GALNT13: variants seen among roughly 807,000 people sequenced by gnomAD.
GALNT13 encodes polypeptide N-acetylgalactosaminyltransferase 13, also known as UDP-GalNAc:polypeptide N-acetylgalactosaminyltransferase 13.
In GALNT13, 28 loss-of-function variants were observed where a neutral mutation model predicts 64.2. The observed-to-expected ratio is 0.44, with a 90% CI of 0.32 to 0.60. GALNT13 has a LOEUF of 0.60. Ranked by LOEUF, GALNT13 falls within the 20% of genes least tolerant of loss-of-function variation. GALNT13 has a pLI of 0.05. For missense variants in GALNT13, 577 were observed against 669.8 expected, an observed-to-expected ratio of 0.86 and a Z score of 1.53; for synonymous variants, 214 against 224.6, an observed-to-expected ratio of 0.95 and a Z score of 0.42.
intron 8 of GALNT13, among the ~76,000 whole-genome samples, chr2:154,262,096 C>T (rs1690729463): frequency 1.3e-5 from 2 of 152,066 alleles, no homozygotes; most frequent in African/African-American, 2.4e-5. Flanking sequence ...TTAAAGACAA[C>T]AGATTTAAAT....
At chr2:153,680,906 T>C in the GALNT13 span, among the ~76,000 whole-genome samples, 1 of 151,936 alleles carries the variant, frequency 6.6e-6, no homozygotes, top group Admixed American at 6.6e-5. Flanking sequence ...TACATAAAAC[T>C]CAGATACCAA....
intron 4 of GALNT13, among the ~76,000 whole-genome samples, chr2:154,207,385 A>G (rs1306106594): frequency 1.3e-5 from 2 of 152,020 alleles, no homozygotes; most frequent in Non-Finnish European, 2.9e-5. Context: ...ACCCAATTTT[A>G]TTATGAATCT....
chr2:154,349,939 T>C (rs956137375), intron 9 of GALNT13, among the ~76,000 whole-genome samples: 1 of 152,240 alleles, frequency 6.6e-6, no homozygotes, highest in Non-Finnish European at 1.5e-5. Flanking sequence ...ATCTAGCCAT[T>C]AGACTGTGCA....
At chr2:154,441,104 A>G (rs1701271608) in intron 12 of GALNT13, among the ~76,000 whole-genome samples, 2 of 152,112 alleles carry the variant, frequency 1.3e-5, no homozygotes, top group South Asian at 4.1e-4. Flanking sequence ...ATCTCCGATC[A>G]TTCATATACA....
the GALNT13 span, among the ~76,000 whole-genome samples, chr2:153,438,299 G>A: frequency 2.0e-5 from 3 of 152,034 alleles, no homozygotes; most frequent in African/African-American, 4.8e-5. Context: ...TGATAATTAT[G>A]TGTCTTGGAG....
the GALNT13 span, among the ~76,000 whole-genome samples, chr2:153,644,022 C>T: frequency 4.0e-5 from 6 of 151,750 alleles, no homozygotes; most frequent in African/African-American, 7.3e-5. Context: ...CTAACTATCA[C>T]GATTTCTTTT....
At chr2:153,310,413 A>T in the GALNT13 span, among the ~76,000 whole-genome samples, 1 of 152,136 alleles carries the variant, frequency 6.6e-6, no homozygotes, top group African/African-American at 2.4e-5. Flanking sequence ...GGGTCCAATT[A>T]CATGCAGACT....
chr2:153,861,272 A>G, the GALNT13 span, among the ~76,000 whole-genome samples: 1 of 152,206 alleles, frequency 6.6e-6, no homozygotes, highest in Non-Finnish European at 1.5e-5. Flanking sequence ...TATTTTACCA[A>G]CGAAATAACT....
At chr2:153,670,666 C>T in the GALNT13 span, among the ~76,000 whole-genome samples, 1 of 152,184 alleles carries the variant, frequency 6.6e-6, no homozygotes, top group Non-Finnish European at 1.5e-5. Context: ...CACAGCTCCT[C>T]ACCAGCAAAA....
intron 8 of GALNT13, among the ~76,000 whole-genome samples, chr2:154,273,984 TC>T (rs926024837): frequency 1.3e-4 from 20 of 152,242 alleles, no homozygotes; most frequent in Non-Finnish European, 2.1e-4. Flanking sequence ...GAAGGTTTTT[TC>T]TCATTATTTT....
chr2:154,308,772 G>T (rs577180167), intron 9 of GALNT13, among the ~76,000 whole-genome samples: 125 of 152,222 alleles, frequency 8.2e-4, no homozygotes, highest in African/African-American at 3.0e-3. Flanking sequence ...ATTTTAAAGT[G>T]CCATGTTATA....
At chr2:154,206,716 G>A (rs1277006826) in intron 4 of GALNT13, among the ~76,000 whole-genome samples, 1 of 151,652 alleles carries the variant, frequency 6.6e-6, no homozygotes, top group African/African-American at 2.4e-5. Context: ...AGAATTGCTT[G>A]AACCTTGCAG....
At chr2:153,077,912 A>C in the GALNT13 span, among the ~76,000 whole-genome samples, 57 of 152,314 alleles carry the variant, frequency 3.7e-4, no homozygotes, top group African/African-American at 1.4e-3. Context: ...ATTAGAATAA[A>C]ACTTTCACCT....
chr2:154,352,642 A>G (rs1372382276), intron 9 of GALNT13, among the ~76,000 whole-genome samples: 2 of 152,238 alleles, frequency 1.3e-5, no homozygotes, highest in South Asian at 2.1e-4. Flanking sequence ...GTCAGGCTCC[A>G]TAGCTCATAA....
intron 8 of GALNT13, among the ~76,000 whole-genome samples, chr2:154,293,052 A>G (rs1208665029): frequency 2.6e-5 from 4 of 152,198 alleles, no homozygotes; most frequent in Non-Finnish European, 4.4e-5. Context: ...GAACAAAGAC[A>G]AGCTTTAATT....
the GALNT13 span, among the ~76,000 whole-genome samples, chr2:153,780,260 C>CAT: frequency 0.33 from 37,517 of 114,798 alleles, 6,680 homozygotes; most frequent in Non-Finnish European, 0.34. Context: ...TATATATATG[C>CAT]ATATATATAT....
the GALNT13 span, among the ~76,000 whole-genome samples, chr2:153,368,922 CAA>C: frequency 7.9e-6 from 1 of 126,710 alleles, no homozygotes; most frequent in African/African-American, 2.8e-5. Context: ...ATGTATTAAG[CAA>C]AAAAAAAAAC....
chr2:154,291,395 G>A (rs1692621419), intron 8 of GALNT13, among the ~76,000 whole-genome samples: 1 of 152,194 alleles, frequency 6.6e-6, no homozygotes, highest in Non-Finnish European at 1.5e-5. Flanking sequence ...TAGACACAGA[G>A]TGCTGATTGG....
At chr2:154,252,636 G>A (rs138042817) in intron 7 of GALNT13, among the ~76,000 whole-genome samples, 3,176 of 152,078 alleles carry the variant, frequency 0.021, 81 homozygotes, top group African/African-American at 0.064. Context: ...GATTACAGGC[G>A]TGAGCCACCA....
Sources: allele counts gnomAD v4.1 joint callset (sites outside exome capture counted in the v4.1 genomes callset), GRCh38; gene constraint gnomAD v4.1.1; transcripts MANE v1.5; gene names NCBI Gene and HGNC (gene_info 2026-07-23, HGNC 2026-07-21).